ALOX5AP: variants seen among roughly 807,000 people sequenced by gnomAD.
The protein encoded by ALOX5AP is arachidonate 5-lipoxygenase activating protein.
A neutral mutation model predicts 18.5 loss-of-function variants in ALOX5AP; 9 were observed. The ratio of observed to expected loss-of-function variants is 0.49; its 90% CI spans 0.29 to 0.85. The LOEUF is 0.85. Among genes scored for constraint, ALOX5AP ranks in the 40% least tolerant of loss-of-function variants. The pLI, the probability that ALOX5AP is intolerant of heterozygous loss-of-function variation, is 0.08. For synonymous variants in ALOX5AP, 81 were observed against 78.6 expected (o/e 1.03, Z -0.16); for missense variants, 172 against 202.5 (o/e 0.85, Z 0.91).
intron 2 of ALOX5AP, 153 bp downstream of exon 2, chr13:30,744,312 T>G: frequency 1.6e-6 from 1 of 633,012 alleles, no homozygotes; most frequent in Non-Finnish European, 2.8e-6. Context: ...CCAGAGAGGC[T>G]TTGTGGACAC....
intron 1 of ALOX5AP, among the ~76,000 whole-genome samples, chr13:30,730,399 G>A (rs2137796699): frequency 6.6e-6 from 1 of 152,320 alleles, no homozygotes; most frequent in South Asian, 2.1e-4. Flanking sequence ...GACCATGCCT[G>A]GTCTCTGTTC....
intron 4 of ALOX5AP, among the ~76,000 whole-genome samples, chr13:30,762,003 G>A (rs1487511232): frequency 6.6e-6 from 1 of 152,208 alleles, no homozygotes; most frequent in Non-Finnish European, 1.5e-5. Flanking sequence ...GAGCTAGTTA[G>A]GATGTCTTAT....
intron 1 of ALOX5AP, 144 bp downstream of exon 1, chr13:30,735,819 A>C: frequency 9.6e-7 from 1 of 1,042,324 alleles, no homozygotes; most frequent in South Asian, 1.7e-5. Context: ...TTTTTATTTG[A>C]ATGTATAGGG....
At chr13:30,730,576 C>T (rs1410447757), upstream of ALOX5AP, among the ~76,000 whole-genome samples, 1 of 152,206 alleles carries the variant, frequency 6.6e-6, no homozygotes, top group African/African-American at 2.4e-5. Context: ...CCCTCACCAC[C>T]AGTCAATCCT....
At chr13:30,747,152 T>A (rs9315047) in intron 2 of ALOX5AP, among the ~76,000 whole-genome samples, 75,548 of 152,056 alleles carry the variant, frequency 0.5, 19,158 homozygotes, top group East Asian at 0.62. Flanking sequence ...ACCTGGACTC[T>A]GTTCACGTGT....
chr13:30,764,160 T>C lies in ALOX5AP; in HGVS notation c.*54T>C. ...TCATCTAATCAATACCTACAAGTCA[T>C]CATAATTCAGCTCTTGAGAGCATTC... On this transcript the variant is annotated 3_prime_UTR_variant, in exon 5 of 5. Transcript: ENST00000380490. 1.3e-6 allele frequency: 2 copies of C among 1,554,630 alleles called. No homozygotes were observed. The highest frequency in any genetic ancestry group is 8.7e-7 in the Non-Finnish European group (1 of 1,143,934).
intron 1 of ALOX5AP, among the ~76,000 whole-genome samples, chr13:30,726,225 G>A (rs966117647): frequency 2.6e-5 from 4 of 152,210 alleles, no homozygotes; most frequent in African/African-American, 9.6e-5. Flanking sequence ...ACACAAGCAA[G>A]GAAGGGGGTT....
At chr13:30,754,618 A>T (rs1951877819) in intron 3 of ALOX5AP, among the ~76,000 whole-genome samples, 1 of 152,248 alleles carries the variant, frequency 6.6e-6, no homozygotes, top group African/African-American at 2.4e-5. Context: ...GAAGCGCAAT[A>T]AATGTTATTA....
rs1173839811 is a variant in ALOX5AP, at chr13:30,755,973, T to C, written c.271T>C (p.Leu91=). 1 of 1,614,170 alleles carries C rather than the reference T, an allele frequency of 6.2e-7. No individual in the cohort carries two copies. The highest frequency in any genetic ancestry group is 1.7e-5 in the Admixed American group (1 of 60,022). ...VPAAFAGLMY[L]FVRQKYFVGY... is the part of the protein sequence containing the mutation. ...TGCTGCGTTTGCTGGACTGATGTAC[T>C]TGTTTGTGAGGCAAAAGTACTTTGT... The change falls in exon 4 of 5, where the codon TTG becomes CTG. Residue 91 remains leucine (L), a synonymous_variant. Coordinates refer to ENST00000380490, the MANE Select transcript of ALOX5AP (RefSeq NM_001629.4).
chr13:30,726,378 A>T (rs1951639540), intron 1 of ALOX5AP, among the ~76,000 whole-genome samples: 1 of 152,212 alleles, frequency 6.6e-6, no homozygotes, highest in Non-Finnish European at 1.5e-5. Flanking sequence ...CAGAGGACTG[A>T]TCATGGTCCA....
upstream of ALOX5AP, among the ~76,000 whole-genome samples, chr13:30,731,772 G>C (rs142148939): frequency 3.6e-3 from 542 of 152,328 alleles, 2 homozygotes; most frequent in Admixed American, 1.0e-2. Flanking sequence ...CAAATGTGAG[G>C]CTCTGGGTAC....
chr13:30,743,544 C>T (rs558730998), intron 1 of ALOX5AP, among the ~76,000 whole-genome samples: 3 of 152,038 alleles, frequency 2.0e-5, no homozygotes, highest in Non-Finnish European at 2.9e-5. Context: ...CTTGGCTGAA[C>T]ATTCTGAACC....
rs1593447356 is a variant in ALOX5AP, at chr13:30,761,563, A to G, written c.324-2381A>G. Among the ~76,000 whole-genome samples the G allele has an allele frequency of 2.0e-5, 3 of 152,314 alleles. No homozygotes were observed. The South Asian group carries it at 6.2e-4, about 32-fold the overall frequency. ...TTTCAATTCCCTTACCAGCACTAGCAGGGGACTCTGTACTCATCTGCTGGC... is the reference window on the plus strand; with the variant it reads ...TTTCAATTCCCTTACCAGCACTAGCGGGGGACTCTGTACTCATCTGCTGGC... On this transcript the variant is annotated intron_variant, in intron 4 of 4. Coordinates refer to ENST00000380490, the MANE Select transcript of ALOX5AP (RefSeq NM_001629.4).
chr13:30,737,713 C>G (rs1951732454), intron 1 of ALOX5AP, among the ~76,000 whole-genome samples: 1 of 152,124 alleles, frequency 6.6e-6, no homozygotes, highest in Non-Finnish European at 1.5e-5. Context: ...GTCACAGCTG[C>G]CCCTTAGGAG....
At chr13:30,739,762 G>A (rs544764067) in intron 1 of ALOX5AP, among the ~76,000 whole-genome samples, 36 of 152,152 alleles carry the variant, frequency 2.4e-4, no homozygotes, top group Non-Finnish European at 4.4e-4. Context: ...TTGTTTTACA[G>A]ATAAGCAAAG....
rs1487748766 is a variant in ALOX5AP at position 30,742,870 on chromosome 13, AC to A, written c.71-1184del. 1.0e-3 allele frequency among the ~76,000 whole-genome samples: 77 copies of A among 74,798 alleles called. 2 individuals carry two copies. Among genetic ancestry groups the A allele is most frequent in the African/African-American group, 3.9e-3 (75 of 19,000 alleles). The allele number at this position is 74,798 out of a possible 152,430, so 49.1% of individuals were successfully genotyped here. On this transcript the variant is annotated intron_variant, in intron 1 of 4. Transcript: ENST00000380490. ...GAGAGACCTTCACCGCCCCCCCCCC[AC>A]CCCCCATCATCCAATCTATAGTCAA...
chr13:30,755,922 G>C (rs201614405), intron 3 of ALOX5AP, 22 bp from the exon 4 acceptor site: 1 of 1,612,306 alleles, frequency 6.2e-7, no homozygotes, highest in Non-Finnish European at 8.5e-7. Flanking sequence ...ACTGACACAG[G>C]TGTTTTCATT....
chr13:30,733,114 G>A (rs111253585), upstream of ALOX5AP, among the ~76,000 whole-genome samples: 8,033 of 147,916 alleles, frequency 0.054, 319 homozygotes, highest in Non-Finnish European at 0.078. Flanking sequence ...AGCTGAGATC[G>A]CGCCACTGCA....
intron 2 of ALOX5AP, among the ~76,000 whole-genome samples, chr13:30,745,958 T>A (rs1951805717): frequency 6.6e-6 from 1 of 152,250 alleles, no homozygotes; most frequent in Non-Finnish European, 1.5e-5. Flanking sequence ...GGAGAAGTTA[T>A]GGTGCAATTT....
Sources: allele counts gnomAD v4.1 joint callset (sites outside exome capture counted in the v4.1 genomes callset), GRCh38; gene constraint gnomAD v4.1.1; transcripts MANE v1.5; gene names NCBI Gene and HGNC (gene_info 2026-07-23, HGNC 2026-07-21).